FOXD1: variants seen among roughly 807,000 people sequenced by gnomAD.
FOXD1 encodes the protein forkhead box D1, also known as forkhead box protein D1.
Under a neutral mutation model 2.0 loss-of-function variants are expected in FOXD1, and 4 were observed. The ratio of observed to expected loss-of-function variants is 2.03; its 90% CI spans 1.00 to 4.64. The LOEUF is 4.64. Ranked by LOEUF, FOXD1 falls within the 30% of genes most tolerant of loss-of-function variation. The pLI is 0.01. For missense variants in FOXD1, 586 were observed against 647.6 expected, an observed-to-expected ratio of 0.90 and a Z score of 1.03; for synonymous variants, 354 against 328.5, an observed-to-expected ratio of 1.08 and a Z score of -0.84.
At position 73,448,383 on chromosome 5, in the gene FOXD1, G is replaced by T; in HGVS notation, c.-21C>A. The T allele has an allele frequency of 8.2e-7, 1 of 1,222,706 alleles. No homozygotes were observed. The highest frequency in any genetic ancestry group is 1.0e-6 in the Non-Finnish European group (1 of 965,556). 75.7% of individuals were successfully genotyped at this position (1,222,706 alleles called of 1,614,324 possible). On this transcript the variant is annotated 5_prime_UTR_variant, in exon 1 of 1. Coordinates refer to ENST00000615637, the MANE Select transcript of FOXD1 (RefSeq NM_004472.3). The stretch of plus-strand genomic sequence containing the variant: ...GTCATAGCTGTGGCGCGGCGGCGGC[G>T]GGGCGGCGCATGGGGGCGCCGGGCT...
In FOXD1 at chr5:73,446,497, A is replaced by T. The variant is rs1745496201; in HGVS notation, c.*468T>A. The T allele has an allele frequency of 6.4e-6, 1 of 156,342 alleles. No homozygotes were observed. Among genetic ancestry groups the T allele is most frequent in the African/African-American group, 2.4e-5 (1 of 41,470 alleles). 9.7% of individuals were successfully genotyped at this position (156,342 alleles called of 1,614,324 possible). A position where few individuals can be genotyped will look rare whatever the true frequency, so the allele number is the denominator to read the frequency against. ...TAACCATTTTTCCTTTTCATGAAAA[A>T]GTACACCAGACAAGTGTCCTCAAAT... is the stretch of plus-strand genomic sequence containing the variant. On this transcript the variant is annotated 3_prime_UTR_variant, in exon 1 of 1. Transcript: ENST00000615637.
rs766740805 is a variant in FOXD1, at chr5:73,446,922, C to A, written c.*43G>T. 9.4e-6 allele frequency: 14 copies of A among 1,481,762 alleles called. No homozygotes were observed. Among genetic ancestry groups the A allele is most frequent in the Non-Finnish European group, 1.8e-6 (2 of 1,091,074 alleles). The allele number at this position is 1,481,762 out of a possible 1,614,324, so 91.8% of individuals were successfully genotyped here. ...GAACCACCAAGACGAGAAAAGGAGCCGGGATTCCTACCTTCTTCCTCGAGC... is the reference window on the plus strand; with the variant it reads ...GAACCACCAAGACGAGAAAAGGAGCAGGGATTCCTACCTTCTTCCTCGAGC... On this transcript the variant is annotated 3_prime_UTR_variant, in exon 1 of 1. Coordinates refer to ENST00000615637, the MANE Select transcript of FOXD1 (RefSeq NM_004472.3).
At position 73,447,714 on chromosome 5, in the gene FOXD1, G is replaced by T. The variant is rs1432666379; in HGVS notation, c.649C>A (p.Arg217=). The T allele has an allele frequency of 1.2e-6, 2 of 1,608,372 alleles. No homozygotes were observed. The highest frequency in any genetic ancestry group is 2.3e-5 in the East Asian group (1 of 44,398). Residue 217 remains arginine (R), a synonymous_variant, in exon 1 of 1, where the codon CGG becomes AGG. Coordinates refer to ENST00000615637, the MANE Select transcript of FOXD1 (RefSeq NM_004472.3). This position sits in a 1 kb window ranked among gnomAD's most constrained non-coding sequence, Gnocchi z 7.8. ...GGCTGCCGCTTGAAGCGCTTCCTCCGGCGCAGGAAGCTGCCGTTGTCGAAC... is the reference window on the plus strand; with the variant it reads ...GGCTGCCGCTTGAAGCGCTTCCTCCTGCGCAGGAAGCTGCCGTTGTCGAAC... ...DMFDNGSFLR[R]RKRFKRQPLL... is the part of the protein sequence containing the mutation.
Position 73,448,071 on chromosome 5 carries a change from C to G in FOXD1, c.292G>C (p.Ala98Pro). Residue 98 changes from alanine to proline, a missense_variant, in exon 1 of 1, where the codon GCA becomes CCA. This residue lies in a region of FOXD1 where 183 missense variants were observed against 159.2 expected (regional missense o/e 1.15). Coordinates refer to ENST00000615637, the MANE Select transcript of FOXD1 (RefSeq NM_004472.3). The stretch of plus-strand genomic sequence containing the variant: ...CCGCCGCCGCCCCCACCGGCTCCTG[C>G]CCCCGCCGCCGGGGCCGGGCCCGGG... The part of the protein sequence containing the change: ...APPGPAPAAG[A>P]GAGGGGGGGG... 1 of 1,142,666 alleles carries G rather than the reference C, an allele frequency of 8.8e-7. No homozygotes were observed. The highest frequency in any genetic ancestry group is 1.1e-6 in the Non-Finnish European group (1 of 927,104). 70.8% of individuals were successfully genotyped at this position (1,142,666 alleles called of 1,614,324 possible). A position where few individuals can be genotyped will look rare whatever the true frequency, so the allele number is the denominator to read the frequency against.
chr5:73,447,872 T>C lies in FOXD1; in HGVS notation c.491A>G (p.Glu164Gly). 6.2e-7 allele frequency: 1 copy of C among 1,611,634 alleles called. No homozygotes were observed. The highest frequency in any genetic ancestry group is 8.5e-7 in the Non-Finnish European group (1 of 1,178,892). ...GCTGTTCTGCCAGGCGGGGAACTTC[T>C]CCCGGTAGTAGGGGAAGCGGCCGCT... ...FISGRFPYYREKFPAWQNSIR... is the reference protein window; with the variant it reads ...FISGRFPYYRGKFPAWQNSIR... Residue 164 changes from glutamate (E) to glycine (G), a missense_variant, in exon 1 of 1, where the codon GAG becomes GGG. By Grantham distance (98) the Glu-to-Gly change is moderately conservative (BLOSUM62 -2). Coordinates refer to ENST00000615637, the MANE Select transcript of FOXD1 (RefSeq NM_004472.3). The surrounding 1 kb of genome is among the most constrained non-coding windows in gnomAD (Gnocchi z 7.8).
Position 73,448,336 on chromosome 5 carries a change from A to G in FOXD1, c.27T>C (p.Asp9=). 2.1e-6 allele frequency: 3 copies of G among 1,439,726 alleles called. No homozygotes were observed. Among genetic ancestry groups the G allele is most frequent in the Non-Finnish European group, 2.8e-6 (3 of 1,085,198 alleles). The allele number at this position is 1,439,726 out of a possible 1,614,324, so 89.2% of individuals were successfully genotyped here. A position where few individuals can be genotyped will look rare whatever the true frequency, so the allele number is the denominator to read the frequency against. ...CTGTTTCCTCGGCGAGGCCAGAGGC[A>G]TCGGACATCTCAGTGCTCAGGGTCA... The part of the protein sequence containing the change: MTLSTEMS[D]ASGLAEETDI... Residue 9 remains aspartate, a synonymous_variant, in exon 1 of 1, where the codon GAT becomes GAC. Transcript: ENST00000615637.
Position 73,448,339 on chromosome 5 carries a change from G to A in FOXD1, c.24C>T (p.Ser8=). 6.9e-7 allele frequency: 1 copy of A among 1,439,428 alleles called. No individual in the cohort carries two copies. The highest frequency in any genetic ancestry group is 9.2e-7 in the Non-Finnish European group (1 of 1,084,926). The allele number at this position is 1,439,428 out of a possible 1,614,324, so 89.2% of individuals were successfully genotyped here. The change falls in exon 1 of 1, where the codon TCC becomes TCT. Residue 8 remains serine (S), a synonymous_variant. Transcript: ENST00000615637. MTLSTEM[S]DASGLAEETD... ...TTTCCTCGGCGAGGCCAGAGGCATC[G>A]GACATCTCAGTGCTCAGGGTCATAG... is the stretch of plus-strand genomic sequence containing the variant.
In FOXD1 at chr5:73,447,424, CG is replaced by C; in HGVS notation, c.938del (p.Pro313ArgfsTer260). The C allele has an allele frequency of 1.0e-6, 1 of 976,768 alleles. No homozygotes were observed. The highest frequency in any genetic ancestry group is 1.2e-6 in the Non-Finnish European group (1 of 825,062). The allele number at this position is 976,768 out of a possible 1,614,324, so 60.5% of individuals were successfully genotyped here. On this transcript the variant is annotated frameshift_variant, in exon 1 of 1. Transcript: ENST00000615637. LOFTEE classifies it low-confidence loss of function (END_TRUNC). This position sits in a 1 kb window ranked among gnomAD's most constrained non-coding sequence, Gnocchi z 7.8. ...GCTCGGCGGCCGCGCCGTGCGGTGG[CG>C]GGGGCGGCGGGGGCGAGTGCGGGTG... ...AFHPHSPPPP[P>X]PPHGAAAELA... is the part of the protein sequence containing the mutation.
At position 73,448,082 on chromosome 5, in the gene FOXD1, GGGGCCGGGCCCGGGGGCGCC is replaced by G; in HGVS notation, c.261_280del (p.Ala88GlyfsTer23). The stretch of plus-strand genomic sequence containing the variant: ...CCCACCGGCTCCTGCCCCCGCCGCC[GGGGCCGGGCCCGGGGGCGCC>G]GGGGAGCCCCCAGCAGGCGGGGCCA... On this transcript the variant is annotated frameshift_variant, in exon 1 of 1. Coordinates refer to ENST00000615637, the MANE Select transcript of FOXD1 (RefSeq NM_004472.3). LOFTEE classifies it low-confidence loss of function (END_TRUNC). The G allele has an allele frequency of 8.9e-7, 1 of 1,122,384 alleles. No individual in the cohort carries two copies. The highest frequency in any genetic ancestry group is 1.1e-6 in the Non-Finnish European group (1 of 916,524). 69.5% of individuals were successfully genotyped at this position (1,122,384 alleles called of 1,614,324 possible).
Position 73,447,817 on chromosome 5 carries a change from G to A in FOXD1, c.546C>T (p.Cys182=), listed in dbSNP as rs770577560. ...SIRHNLSLND[C]FVKIPREPGN... is the part of the protein sequence containing the mutation. Reference sequence around the variant, plus strand: ...CGGGCTCGCGGGGGATCTTGACGAAGCAGTCGTTGAGCGAGAGGTTGTGGC... The same window carrying A: ...CGGGCTCGCGGGGGATCTTGACGAAACAGTCGTTGAGCGAGAGGTTGTGGC... The change falls in exon 1 of 1, where the codon TGC becomes TGT. Residue 182 remains cysteine (C), a synonymous_variant. Coordinates refer to ENST00000615637, the MANE Select transcript of FOXD1 (RefSeq NM_004472.3). This position sits in a 1 kb window ranked among gnomAD's most constrained non-coding sequence, Gnocchi z 7.8. The A allele has an allele frequency of 2.5e-6, 4 of 1,611,204 alleles. No individual in the cohort carries two copies. In the East Asian group the frequency reaches 6.7e-5, roughly 27 times the overall value.
Position 73,447,804 on chromosome 5 carries a change from G to T in FOXD1, c.559C>A (p.Pro187Thr), listed in dbSNP as rs1745535590. The change falls in exon 1 of 1, where the codon CCC becomes ACC. Residue 187 changes from proline (P) to threonine (T), a missense_variant. Around this residue, in one of 4 missense-constraint regions of FOXD1, gnomAD observed 104 missense variants for 175.4 expected, o/e 0.59. Transcript: ENST00000615637. The surrounding 1 kb of genome is among the most constrained non-coding windows in gnomAD (Gnocchi z 7.8). ...LSLNDCFVKI[P>T]REPGNPGKGN... ...TTGCCCGGGTTGCCGGGCTCGCGGG[G>T]GATCTTGACGAAGCAGTCGTTGAGC... 1 of 1,610,434 alleles carries T rather than the reference G, an allele frequency of 6.2e-7. No homozygotes were observed. Among genetic ancestry groups the T allele is most frequent in the African/African-American group, 1.3e-5 (1 of 74,744 alleles).
At position 73,447,714 on chromosome 5, in the gene FOXD1, G is replaced by C; in HGVS notation, c.649C>G (p.Arg217Gly). 6.2e-7 allele frequency: 1 copy of C among 1,608,372 alleles called. No individual in the cohort carries two copies. Among genetic ancestry groups the C allele is most frequent in the Non-Finnish European group, 8.5e-7 (1 of 1,177,600 alleles). The change falls in exon 1 of 1, where the codon CGG (arginine) becomes GGG (glycine). Residue 217 changes from arginine to glycine, a missense_variant. Arg to Gly is a moderately radical substitution (Grantham distance 125, BLOSUM62 -2). Around this residue, in one of 4 missense-constraint regions of FOXD1, gnomAD observed 104 missense variants for 175.4 expected, o/e 0.59. Transcript: ENST00000615637. This position sits in a 1 kb window ranked among gnomAD's most constrained non-coding sequence, Gnocchi z 7.8. ...DMFDNGSFLR[R>G]RKRFKRQPLL... ...GGCTGCCGCTTGAAGCGCTTCCTCCGGCGCAGGAAGCTGCCGTTGTCGAAC... is the reference window on the plus strand; with the variant it reads ...GGCTGCCGCTTGAAGCGCTTCCTCCCGCGCAGGAAGCTGCCGTTGTCGAAC...
chr5:73,448,574 G>A lies in FOXD1; in HGVS notation c.-212C>T, dbSNP rs2112141228. On this transcript the variant is annotated 5_prime_UTR_variant, in exon 1 of 1. Transcript: ENST00000615637. The stretch of plus-strand genomic sequence containing the variant: ...TAACTCCTGCGCCGCCGCGGTAGCC[G>A]CGCGGATGCTGCGCTCCCTGGGCTC... 1 of 157,344 alleles carries A rather than the reference G, an allele frequency of 6.4e-6. No individual in the cohort carries two copies. The highest frequency in any genetic ancestry group is 1.4e-5 in the Non-Finnish European group (1 of 72,760). The allele number at this position is 157,344 out of a possible 1,614,324, so 9.7% of individuals were successfully genotyped here.
At position 73,447,352 on chromosome 5, in the gene FOXD1, G is replaced by C; in HGVS notation, c.1011C>G (p.Ala337=). 1.0e-6 allele frequency: 1 copy of C among 983,496 alleles called. No homozygotes were observed. Among genetic ancestry groups the C allele is most frequent in the Non-Finnish European group, 1.2e-6 (1 of 830,052 alleles). The allele number at this position is 983,496 out of a possible 1,614,324, so 60.9% of individuals were successfully genotyped here. A position where few individuals can be genotyped will look rare whatever the true frequency, so the allele number is the denominator to read the frequency against. ...CGGAGGCCGGCAGGGGGCCGGGTAGGGCGGCGCCGAGCGGGTGCGGCCGGT... is the reference window on the plus strand; with the variant it reads ...CGGAGGCCGGCAGGGGGCCGGGTAGCGCGGCGCCGAGCGGGTGCGGCCGGT... The part of the protein sequence containing the change: ...FGYRPHPLGA[A]LPGPLPASAA... Residue 337 remains alanine (A), a synonymous_variant, in exon 1 of 1, where the codon GCC becomes GCG. Coordinates refer to ENST00000615637, the MANE Select transcript of FOXD1 (RefSeq NM_004472.3). The surrounding 1 kb of genome is among the most constrained non-coding windows in gnomAD (Gnocchi z 7.8).
rs1580341931 is a variant in FOXD1 at position 73,447,490 on chromosome 5, G to A, written c.873C>T (p.Leu291=). Residue 291 remains leucine (L), a synonymous_variant, in exon 1 of 1, where the codon CTC becomes CTT. Coordinates refer to ENST00000615637, the MANE Select transcript of FOXD1 (RefSeq NM_004472.3). This position sits in a 1 kb window ranked among gnomAD's most constrained non-coding sequence, Gnocchi z 7.8. ...CGGCGGCGGCCGCTGCGGCGGCGAAGAGGGCCGAGGGCGGCGCGTAAGGCG... is the reference window on the plus strand; with the variant it reads ...CGGCGGCGGCCGCTGCGGCGGCGAAAAGGGCCGAGGGCGGCGCGTAAGGCG... The part of the protein sequence containing the change: ...QLPPYAPPSA[L]FAAAAAAAAA... The A allele has an allele frequency of 1.0e-6, 1 of 1,004,974 alleles. No individual in the cohort carries two copies. The highest frequency in any genetic ancestry group is 1.8e-5 in the African/African-American group (1 of 56,968). 62.3% of individuals were successfully genotyped at this position (1,004,974 alleles called of 1,614,324 possible).
rs909935210 is a variant in FOXD1, at chr5:73,447,316, C to G, written c.1047G>C (p.Ala349=). The G allele has an allele frequency of 6.1e-6, 6 of 984,624 alleles. No homozygotes were observed. In the African/African-American group the frequency reaches 8.8e-5, roughly 14 times the overall value. The allele number at this position is 984,624 out of a possible 1,614,324, so 61.0% of individuals were successfully genotyped here. The part of the protein sequence containing the change: ...PGPLPASAAK[A]GGPGASALAR... ...CCAGCGCTGAGGCGCCCGGGCCGCC[C>G]GCCTTGGCCGCGGAGGCCGGCAGGG... Residue 349 remains alanine (A), a synonymous_variant, in exon 1 of 1, where the codon GCG becomes GCC. Coordinates refer to ENST00000615637, the MANE Select transcript of FOXD1 (RefSeq NM_004472.3). The surrounding 1 kb of genome is among the most constrained non-coding windows in gnomAD (Gnocchi z 7.8).
chr5:73,447,076 G>GGCC lies in FOXD1; in HGVS notation c.1286_1287insGGC (p.Ala434dup). The GGCC allele has an allele frequency of 2.0e-6, 3 of 1,511,462 alleles. No individual in the cohort carries two copies. The highest frequency in any genetic ancestry group is 8.9e-7 in the Non-Finnish European group (1 of 1,128,410). 93.6% of individuals were successfully genotyped at this position (1,511,462 alleles called of 1,614,324 possible). A position where few individuals can be genotyped will look rare whatever the true frequency, so the allele number is the denominator to read the frequency against. On this transcript the variant is annotated inframe_insertion, in exon 1 of 1. Coordinates refer to ENST00000615637, the MANE Select transcript of FOXD1 (RefSeq NM_004472.3). The surrounding 1 kb of genome is among the most constrained non-coding windows in gnomAD (Gnocchi z 7.8). Reference sequence around the variant, plus strand: ...AGACTGAGGAGGCGGCGGCGGCCGCGGCGGCCACGAGGGATCGGGTGAGCG... The same window carrying GGCC: ...AGACTGAGGAGGCGGCGGCGGCCGCGGCCGCGGCCACGAGGGATCGGGTGAGCG...
Position 73,448,334 on chromosome 5 carries a change from G to A in FOXD1, c.29C>T (p.Ala10Val), listed in dbSNP as rs1478566712. The A allele has an allele frequency of 2.8e-6, 4 of 1,442,326 alleles. No homozygotes were observed. Among genetic ancestry groups the A allele is most frequent in the Non-Finnish European group, 3.7e-6 (4 of 1,086,978 alleles). 89.3% of individuals were successfully genotyped at this position (1,442,326 alleles called of 1,614,324 possible). A position where few individuals can be genotyped will look rare whatever the true frequency, so the allele number is the denominator to read the frequency against. ...GTCTGTTTCCTCGGCGAGGCCAGAG[G>A]CATCGGACATCTCAGTGCTCAGGGT... is the stretch of plus-strand genomic sequence containing the variant. MTLSTEMSD[A>V]SGLAEETDID... The change falls in exon 1 of 1, where the codon GCC becomes GTC. Residue 10 changes from alanine (A) to valine (V), a missense_variant. Physicochemically the swap from Ala to Val is moderately conservative, Grantham distance 64 (BLOSUM62 0). Around this residue, in one of 4 missense-constraint regions of FOXD1, gnomAD observed 183 missense variants for 159.2 expected, o/e 1.15. Coordinates refer to ENST00000615637, the MANE Select transcript of FOXD1 (RefSeq NM_004472.3).
At position 73,446,737 on chromosome 5, in the gene FOXD1, T is replaced by C. The variant is rs1355945767; in HGVS notation, c.*228A>G. On this transcript the variant is annotated 3_prime_UTR_variant, in exon 1 of 1. Coordinates refer to ENST00000615637, the MANE Select transcript of FOXD1 (RefSeq NM_004472.3). Reference sequence around the variant, plus strand: ...CTTCCTCCCTACCCCAGGTCGGGGGTTGGGGGGCTGTAGCATAGGTCGGCT... The same window carrying C: ...CTTCCTCCCTACCCCAGGTCGGGGGCTGGGGGGCTGTAGCATAGGTCGGCT... 4.9e-5 allele frequency: 21 copies of C among 429,792 alleles called. 1 individual carries two copies. In the East Asian group the frequency reaches 1.1e-3, roughly 23 times the overall value. The allele number at this position is 429,792 out of a possible 1,614,324, so 26.6% of individuals were successfully genotyped here.
Sources: allele counts gnomAD v4.1 joint callset, GRCh38; gene constraint gnomAD v4.1.1; regional missense constraint gnomAD v4.1.1; non-coding constraint Gnocchi (gnomAD v3.1); transcripts MANE v1.5; gene names NCBI Gene and HGNC (gene_info 2026-07-23, HGNC 2026-07-21).